Variants in CACNA1C observed in about 807,000 individuals in gnomAD.
CACNA1C encodes voltage-dependent L-type calcium channel subunit alpha-1C.
Under a neutral mutation model 229.0 loss-of-function variants are expected in CACNA1C, and 30 were observed. The observed-to-expected ratio is 0.13, with a 90% CI of 0.10 to 0.18. The LOEUF (loss-of-function observed/expected upper bound fraction) is 0.18. CACNA1C is among the 10% of genes least tolerant of loss of function. The pLI is 1.00. For missense variants in CACNA1C, 1,658 were observed against 2,845.0 expected (o/e 0.58, Z 9.49); for synonymous variants, 1,114 against 1,132.5 (o/e 0.98, Z 0.33).
intron 18 of CACNA1C, among the ~76,000 whole-genome samples, chr12:2,589,805 G>A (rs745980032): frequency 1.3e-5 from 2 of 152,228 alleles, no homozygotes; most frequent in Non-Finnish European, 2.9e-5. Flanking sequence ...ACAGGGGATG[G>A]TGCCGGAGAT....
At chr12:2,160,917 G>T (rs544872415) in intron 3 of CACNA1C, among the ~76,000 whole-genome samples, 2 of 152,192 alleles carry the variant, frequency 1.3e-5, no homozygotes, top group Admixed American at 6.5e-5. Flanking sequence ...CGCCTCCCAG[G>T]TTCAAGCGAT....
chr12:2,490,535 A>C (rs1443249721), intron 6 of CACNA1C, among the ~76,000 whole-genome samples: 1 of 152,216 alleles, frequency 6.6e-6, no homozygotes, highest in Non-Finnish European at 1.5e-5. Flanking sequence ...GACTGAACAC[A>C]TCTCCCTAGA....
At chr12:2,084,906 C>T (rs7969546) in intron 1 of CACNA1C, among the ~76,000 whole-genome samples, 1,803 of 152,238 alleles carry the variant, frequency 0.012, 29 homozygotes, top group African/African-American at 0.041. Flanking sequence ...TATTTCATCT[C>T]GTTAGTGTGG....
At chr12:2,417,450 G>T (rs555627474) in intron 3 of CACNA1C, among the ~76,000 whole-genome samples, 32 of 152,138 alleles carry the variant, frequency 2.1e-4, no homozygotes, top group African/African-American at 7.2e-4. Context: ...TTCCCTGGCC[G>T]CTGTTTACCT....
chr12:2,655,968 A>G (rs2095398533), intron 34 of CACNA1C, among the ~76,000 whole-genome samples: 1 of 152,262 alleles, frequency 6.6e-6, no homozygotes. Context: ...GCCACGTATG[A>G]CAAGGCCACA....
At position 2,287,673 on chromosome 12, in the gene CACNA1C, C is replaced by A. The variant is rs912631845; in HGVS notation, c.478-161303C>A. Among the ~76,000 whole-genome samples the A allele has an allele frequency of 1.3e-5, 2 of 152,216 alleles. No homozygotes were observed. The highest frequency in any genetic ancestry group is 2.9e-5 in the Non-Finnish European group (2 of 68,044). On this transcript the variant is annotated intron_variant, in intron 3 of 46. Coordinates refer to ENST00000399655, the MANE Select transcript of CACNA1C (RefSeq NM_000719.7). This position sits in a 1 kb window ranked among gnomAD's most constrained non-coding sequence, Gnocchi z 4.6. ...AACAATGCCAGGATCCTACAGTCTA[C>A]TCCACGCCCTTCATTTTCAAACTTG...
intron 30 of CACNA1C, among the ~76,000 whole-genome samples, chr12:2,644,840 T>G (rs1210444546): frequency 6.6e-6 from 1 of 152,050 alleles, no homozygotes; most frequent in Non-Finnish European, 1.5e-5. Flanking sequence ...CCTGCACCAC[T>G]CCCCTCCTCA....
rs565135450 is a variant in CACNA1C at position 2,486,352 on chromosome 12, C to T, written c.916+90C>T. 8.0e-6 allele frequency: 9 copies of T among 1,127,190 alleles called. No homozygotes were observed. In the African/African-American group the frequency reaches 1.4e-4, roughly 17 times the overall value. 69.8% of individuals were successfully genotyped at this position (1,127,190 alleles called of 1,614,324 possible). On this transcript the variant is annotated intron_variant, in intron 6 of 46. Transcript: ENST00000399655. The surrounding 1 kb of genome is among the most constrained non-coding windows in gnomAD (Gnocchi z 4.9). The stretch of plus-strand genomic sequence containing the variant: ...CTGCTGGCTACACCAACATGACCAG[C>T]AGAGCCCAGGGAAGGCCCCATTCAT...
At position 2,634,296 on chromosome 12, in the gene CACNA1C, G is replaced by A; in HGVS notation, c.3829-1G>A. ...CTCCCCGGCTGCTCTGCCCCATGCAGCACTATTTCTGTGATGCATGGAATA... is the reference window on the plus strand; with the variant it reads ...CTCCCCGGCTGCTCTGCCCCATGCAACACTATTTCTGTGATGCATGGAATA... On this transcript the variant is annotated splice_acceptor_variant, in intron 29 of 46. Transcript: ENST00000399655. LOFTEE classifies it high-confidence loss of function. 6.5e-7 allele frequency: 1 copy of A among 1,536,854 alleles called. No individual in the cohort carries two copies. Among genetic ancestry groups the A allele is most frequent in the East Asian group, 2.4e-5 (1 of 42,088 alleles).
chr12:2,563,707 G>T (rs1267265832), intron 11 of CACNA1C, among the ~76,000 whole-genome samples: 1 of 152,220 alleles, frequency 6.6e-6, no homozygotes, highest in Non-Finnish European at 1.5e-5. Flanking sequence ...ATGAAGTCAG[G>T]CTACTCCAAG....
At chr12:2,673,784 A>G (rs2096665270) in intron 38 of CACNA1C, among the ~76,000 whole-genome samples, 1 of 152,166 alleles carries the variant, frequency 6.6e-6, no homozygotes, top group Admixed American at 6.5e-5. Context: ...TAAAGGGCTC[A>G]TGTGACTAGG....
At chr12:2,477,128 G>C (rs2154568965) in intron 5 of CACNA1C, among the ~76,000 whole-genome samples, 1 of 152,324 alleles carries the variant, frequency 6.6e-6, no homozygotes, top group East Asian at 1.9e-4. Flanking sequence ...CAGAAAACAT[G>C]ATCTGTGAGA....
intron 3 of CACNA1C, among the ~76,000 whole-genome samples, chr12:2,167,207 G>A (rs1172439058): frequency 6.6e-6 from 1 of 152,224 alleles, no homozygotes; most frequent in Non-Finnish European, 1.5e-5. Context: ...GAGTGATCAG[G>A]AGGAATGAAG....
rs1416071942 is a variant in CACNA1C at position 2,346,985 on chromosome 12, A to G, written c.478-101991A>G. ...TCCACTGGCTGGGGCCACAGACCTT[A>G]CAGGACTAAGAGGCCATCTGACCCC... is the stretch of plus-strand genomic sequence containing the variant. On this transcript the variant is annotated intron_variant, in intron 3 of 46. Coordinates refer to ENST00000399655, the MANE Select transcript of CACNA1C (RefSeq NM_000719.7). The surrounding 1 kb of genome is among the most constrained non-coding windows in gnomAD (Gnocchi z 4.4). Among the ~76,000 whole-genome samples the G allele has an allele frequency of 2.0e-5, 3 of 152,088 alleles. No individual in the cohort carries two copies. Among genetic ancestry groups the G allele is most frequent in the Admixed American group, 6.5e-5 (1 of 15,278 alleles).
chr12:2,411,270 T>C (rs2098804429), intron 3 of CACNA1C, among the ~76,000 whole-genome samples: 1 of 152,024 alleles, frequency 6.6e-6, no homozygotes. Flanking sequence ...AGGCAGGCCT[T>C]ATATAGACAG....
intron 1 of CACNA1C, among the ~76,000 whole-genome samples, chr12:2,064,073 A>C (rs1423749730): frequency 6.6e-6 from 1 of 152,178 alleles, no homozygotes; most frequent in Non-Finnish European, 1.5e-5. Flanking sequence ...CTATACCAGA[A>C]ATTTGACTTT....
At chr12:2,545,326 G>A (rs978852694) in intron 9 of CACNA1C, among the ~76,000 whole-genome samples, 6 of 146,870 alleles carry the variant, frequency 4.1e-5, no homozygotes, top group Admixed American at 2.8e-4. Context: ...TGAGTTATTC[G>A]GCAAATTCTC....
chr12:1,981,020 T>A (rs757051288), intron 1 of CACNA1C, among the ~76,000 whole-genome samples: 10 of 152,162 alleles, frequency 6.6e-5, no homozygotes, highest in Non-Finnish European at 8.8e-5. Context: ...TTATACATCA[T>A]CTTGTTCACA....
At chr12:2,013,720 GGTT>G (rs762896232) in intron 1 of CACNA1C, among the ~76,000 whole-genome samples, 7 of 152,302 alleles carry the variant, frequency 4.6e-5, no homozygotes, top group Admixed American at 4.6e-4. Context: ...AGCATCTGTA[GGTT>G]CTCACCCATT....
Sources: allele counts gnomAD v4.1 joint callset (sites outside exome capture counted in the v4.1 genomes callset), GRCh38; gene constraint gnomAD v4.1.1; non-coding constraint Gnocchi (gnomAD v3.1); transcripts MANE v1.5; gene names NCBI Gene and HGNC (gene_info 2026-07-23, HGNC 2026-07-21).